EIF2AK1: variants seen among roughly 807,000 people sequenced by gnomAD.
EIF2AK1 encodes eukaryotic translation initiation factor 2 alpha kinase 1, also known as eukaryotic translation initiation factor 2-alpha kinase 1.
A neutral mutation model predicts 77.9 loss-of-function variants in EIF2AK1; 54 were observed. The observed-to-expected ratio is 0.69, with a 90% CI of 0.56 to 0.87. The LOEUF is 0.87. Ranked by LOEUF, EIF2AK1 falls within the 40% of genes least tolerant of loss-of-function variation. EIF2AK1 has a pLI of 0.00. For synonymous variants in EIF2AK1, 314 were observed against 290.5 expected (o/e 1.08, Z -0.82); for missense variants, 810 against 768.6 (o/e 1.05, Z -0.64).
chr7:6,049,763 A>T, intron 3 of EIF2AK1, 149 bp downstream of exon 3: 1 of 698,096 alleles, frequency 1.4e-6, no homozygotes. Context: ...GCTGGGATTA[A>T]GGCATGAGCC....
intron 6 of EIF2AK1, 43 bp downstream of exon 6, chr7:6,046,023 GAACTA>G (rs769204024): frequency 8.6e-6 from 11 of 1,275,122 alleles, no homozygotes; most frequent in South Asian, 2.8e-5. Context: ...CTTTCAAAAA[GAACTA>G]AATACACAAT....
Position 6,023,940 on chromosome 7 carries a change from A to G in EIF2AK1, c.*733T>C, listed in dbSNP as rs866254180. On this transcript the variant is annotated 3_prime_UTR_variant, in exon 15 of 15. Transcript: ENST00000199389. ...TGGGATTCAAAAACCAATTCATCAG[A>G]TCGCTGCCTCTGAGGGATGTACAGA... 1.9e-5 allele frequency: 27 copies of G among 1,434,802 alleles called. 1 individual carries two copies. In the Admixed American group the frequency reaches 4.2e-4, roughly 22 times the overall value. 88.9% of individuals were successfully genotyped at this position (1,434,802 alleles called of 1,614,324 possible).
At chr7:6,025,647 T>G (rs1023906940) in intron 14 of EIF2AK1, among the ~76,000 whole-genome samples, 7 of 152,286 alleles carry the variant, frequency 4.6e-5, no homozygotes, top group Middle Eastern at 6.8e-3. Context: ...GGTTCACTAT[T>G]TATATTGAGA....
intron 1 of EIF2AK1, 118 bp downstream of exon 1, chr7:6,058,847 AC>A: frequency 1.1e-6 from 1 of 896,322 alleles, no homozygotes; most frequent in Non-Finnish European, 1.6e-6. Context: ...CGCCGGTTCA[AC>A]CCTGGAGGCA....
chr7:6,045,210 A>G (rs1336331431), intron 6 of EIF2AK1, among the ~76,000 whole-genome samples: 1 of 151,418 alleles, frequency 6.6e-6, no homozygotes, highest in Non-Finnish European at 1.5e-5. Flanking sequence ...GGTTCAAGTC[A>G]TTCCTGTGCC....
chr7:6,055,608 G>A (rs1306277066), intron 1 of EIF2AK1, among the ~76,000 whole-genome samples: 1 of 150,978 alleles, frequency 6.6e-6, no homozygotes, highest in Non-Finnish European at 1.5e-5. Flanking sequence ...GCAGACAGAC[G>A]AGTTGGCACT....
chr7:6,046,517 A>G (rs1788448521), intron 5 of EIF2AK1: 1 of 165,554 alleles, frequency 6.0e-6, no homozygotes, highest in Middle Eastern at 2.6e-3. Context: ...GAAAAACATT[A>G]CAAACTGCCC....
rs139432534 is a variant in EIF2AK1 at position 6,047,629 on chromosome 7, T to A, written c.450-538A>T. The A allele has an allele frequency of 8.2e-3, 1,325 of 161,442 alleles. 18 individuals carry two copies. The highest frequency in any genetic ancestry group is 0.03 in the African/African-American group (1,252 of 41,214). 10.0% of individuals were successfully genotyped at this position (161,442 alleles called of 1,614,324 possible). On this transcript the variant is annotated intron_variant, in intron 4 of 14. Transcript: ENST00000199389. ...CAGAGATTGCAGTGAGCCGAGATTA[T>A]GCCACTGCACTCCAGCCTGGGTGAC...
At position 6,041,078 on chromosome 7, in the gene EIF2AK1, T is replaced by G; in HGVS notation, c.933A>C (p.Leu311Phe). The G allele has an allele frequency of 6.2e-7, 1 of 1,614,170 alleles. No individual in the cohort carries two copies. Among genetic ancestry groups the G allele is most frequent in the Non-Finnish European group, 8.5e-7 (1 of 1,180,028 alleles). Residue 311 changes from leucine (L) to phenylalanine (F), a missense_variant, in exon 9 of 15, where the codon TTA (leucine) becomes TTC (phenylalanine). Leu to Phe is a conservative substitution (Grantham distance 22). Around this residue, in one of 3 missense-constraint regions of EIF2AK1, gnomAD observed 549 missense variants for 533.7 expected, o/e 1.03. Transcript: ENST00000199389. ...NNKSVKYTTN[L>F]VIRESGELES... ...CAAGTTCACCAGATTCTCTTATGAC[T>G]AAATTGGTGGTGTACTTCACCGACT...
chr7:6,056,613 A>AAAAAAAAAAAAATATATATATATATATAT, intron 1 of EIF2AK1, among the ~76,000 whole-genome samples: 1 of 43,730 alleles, frequency 2.3e-5, no homozygotes, highest in Non-Finnish European at 4.7e-5. Flanking sequence ...AAAAAAAAAA[A>AAAAAAAAAAAAATATATATATATATATAT]ATATATATAT....
chr7:6,025,666 C>T (rs1284818614), intron 14 of EIF2AK1, among the ~76,000 whole-genome samples: 1 of 152,204 alleles, frequency 6.6e-6, no homozygotes, highest in Admixed American at 6.5e-5. Context: ...GACGGAGTCT[C>T]GCTCTTTCGC....
chr7:6,023,496 C>G lies in EIF2AK1; in HGVS notation c.*1177G>C. ...GCAGTAAAGAAAAAGCCGCTGTTTT[C>G]CGCTCCATGAACTCTGCTCTTGGGA... On this transcript the variant is annotated 3_prime_UTR_variant, in exon 15 of 15. Coordinates refer to ENST00000199389, the MANE Select transcript of EIF2AK1 (RefSeq NM_014413.4). The G allele has an allele frequency of 6.2e-7, 1 of 1,614,180 alleles. No individual in the cohort carries two copies. The highest frequency in any genetic ancestry group is 8.5e-7 in the Non-Finnish European group (1 of 1,180,004).
chr7:6,027,980 T>C lies in EIF2AK1; in HGVS notation c.1530+635A>G, dbSNP rs759904856. 18 of 453,680 alleles carry C rather than the reference T, an allele frequency of 4.0e-5. No individual in the cohort carries two copies. The highest frequency in any genetic ancestry group is 7.1e-5 in the Non-Finnish European group (16 of 225,900). The allele number at this position is 453,680 out of a possible 1,614,324, so 28.1% of individuals were successfully genotyped here. A position where few individuals can be genotyped will look rare whatever the true frequency, so the allele number is the denominator to read the frequency against. On this transcript the variant is annotated intron_variant, in intron 13 of 14. Coordinates refer to ENST00000199389, the MANE Select transcript of EIF2AK1 (RefSeq NM_014413.4). This position sits in a 1 kb window ranked among gnomAD's most constrained non-coding sequence, Gnocchi z 4.5. Reference sequence around the variant, plus strand: ...TGGGAGGCTGAGGTGGGAGGATCACTTGAGCCCAGGAGTTGGAGGCTGCCA... The same window carrying C: ...TGGGAGGCTGAGGTGGGAGGATCACCTGAGCCCAGGAGTTGGAGGCTGCCA...
intron 2 of EIF2AK1, among the ~76,000 whole-genome samples, chr7:6,050,975 A>T (rs1015849356): frequency 7.9e-5 from 12 of 152,092 alleles, no homozygotes; most frequent in Non-Finnish European, 1.5e-5. Context: ...AGCCATTTCT[A>T]AAAAAAGGGC....
intron 1 of EIF2AK1, chr7:6,058,098 T>A (rs775745096): frequency 2.2e-6 from 1 of 455,678 alleles, no homozygotes; most frequent in South Asian, 1.5e-5. Context: ...CCGTATCTCC[T>A]AGTAAACAAA....
chr7:6,026,837 C>G lies in EIF2AK1; in HGVS notation c.1655G>C (p.Arg552Thr). ...TGQLPESLRK[R>T]CPVQAKYIQH... ...GATATACTTGGCTTGCACTGGACACCTTTTACGGAGGGATTCCGGCAACTG... is the reference window on the plus strand; with the variant it reads ...GATATACTTGGCTTGCACTGGACACGTTTTACGGAGGGATTCCGGCAACTG... The change falls in exon 14 of 15, where the codon AGG becomes ACG. Residue 552 changes from arginine (R) to threonine (T), a missense_variant. By Grantham distance (71) the Arg-to-Thr change is moderately conservative. Transcript: ENST00000199389. The G allele has an allele frequency of 6.2e-7, 1 of 1,614,146 alleles. No homozygotes were observed. The highest frequency in any genetic ancestry group is 8.5e-7 in the Non-Finnish European group (1 of 1,180,028).
rs1328574851 is a variant in EIF2AK1 at position 6,035,841 on chromosome 7, C to A, written c.1332+1583G>T. The stretch of plus-strand genomic sequence containing the variant: ...TGCTGTCTCTTCCACGGGGAACACG[C>A]CCCTGAAGCTTGCAGTGTGCACTGC... On this transcript the variant is annotated intron_variant, in intron 11 of 14. Transcript: ENST00000199389. The surrounding 1 kb of genome is among the most constrained non-coding windows in gnomAD (Gnocchi z 5.5). 1.9e-6 allele frequency: 3 copies of A among 1,548,504 alleles called. No individual in the cohort carries two copies. The highest frequency in any genetic ancestry group is 2.6e-6 in the Non-Finnish European group (3 of 1,145,394).
Position 6,035,861 on chromosome 7 carries a change from C to T in EIF2AK1, c.1332+1563G>A, listed in dbSNP as rs781648283. Reference sequence around the variant, plus strand: ...ACACGCCCCTGAAGCTTGCAGTGTGCACTGCATCAAGCAAAGCAGGCCGAC... The same window carrying T: ...ACACGCCCCTGAAGCTTGCAGTGTGTACTGCATCAAGCAAAGCAGGCCGAC... On this transcript the variant is annotated intron_variant, in intron 11 of 14. Transcript: ENST00000199389. The surrounding 1 kb of genome is among the most constrained non-coding windows in gnomAD (Gnocchi z 5.5). 2 of 1,547,750 alleles carry T rather than the reference C, an allele frequency of 1.3e-6. No homozygotes were observed. Among genetic ancestry groups the T allele is most frequent in the Non-Finnish European group, 1.7e-6 (2 of 1,145,142 alleles).
chr7:6,048,677 T>C, intron 4 of EIF2AK1, 130 bp downstream of exon 4: 2 of 724,340 alleles, frequency 2.8e-6, no homozygotes, highest in Non-Finnish European at 4.5e-6. Flanking sequence ...AGTACTTAAT[T>C]GCTGAGAACA....
Sources: gnomAD v4.1 joint callset for allele counts (sites outside exome capture counted in the v4.1 genomes callset) on GRCh38, gnomAD v4.1.1 for gene constraint, gnomAD v4.1.1 regional missense constraint, Gnocchi (gnomAD v3.1) non-coding constraint, MANE v1.5 for transcripts, NCBI Gene and HGNC (gene_info 2026-07-23, HGNC 2026-07-21) for gene names.